The following SGCZ variants were observed in gnomAD, a reference collection of about 807,000 sequenced individuals.
The protein encoded by SGCZ is zeta-sarcoglycan.
Under a neutral mutation model 41.3 loss-of-function variants are expected in SGCZ, and 40 were observed. The ratio of observed to expected loss-of-function variants is 0.97; its 90% CI spans 0.75 to 1.26. SGCZ has a LOEUF of 1.26. SGCZ is among the 50% of genes most tolerant of loss of function. The pLI, the probability that SGCZ is intolerant of heterozygous loss-of-function variation, is 0.00. For synonymous variants in SGCZ, 206 were observed against 137.5 expected (o/e 1.50, Z -3.49); for missense variants, 552 against 369.8 (o/e 1.49, Z -4.04).
intron 5 of SGCZ, among the ~76,000 whole-genome samples, chr8:14,160,300 A>G (rs1804000737): frequency 6.6e-6 from 1 of 152,200 alleles, no homozygotes; most frequent in African/African-American, 2.4e-5. Context: ...TTCTAAAGTT[A>G]ATATACTATG....
intron 1 of SGCZ, among the ~76,000 whole-genome samples, chr8:15,018,043 G>A (rs1332595048): frequency 6.6e-6 from 1 of 152,122 alleles, no homozygotes; most frequent in Non-Finnish European, 1.5e-5. Context: ...AGTCAAAGCT[G>A]TATGCAAAAG....
intron 1 of SGCZ, among the ~76,000 whole-genome samples, chr8:14,693,164 T>A (rs1428067143): frequency 6.6e-6 from 1 of 152,242 alleles, no homozygotes; most frequent in Non-Finnish European, 1.5e-5. Flanking sequence ...TGTGCATAAA[T>A]ATTCTAATGC....
chr8:14,554,475 G>A (rs1405804240), intron 2 of SGCZ, among the ~76,000 whole-genome samples: 1 of 151,976 alleles, frequency 6.6e-6, no homozygotes, highest in Admixed American at 6.6e-5. Context: ...TTCTTGAAAT[G>A]TTCTAATGAA....
chr8:14,533,376 G>A (rs1367100370), intron 2 of SGCZ, among the ~76,000 whole-genome samples: 3 of 151,820 alleles, frequency 2.0e-5, no homozygotes, highest in African/African-American at 7.3e-5. Context: ...ATATTTAAAG[G>A]CTCAGTGGAA....
At chr8:14,641,439 A>G (rs1807022889) in intron 1 of SGCZ, among the ~76,000 whole-genome samples, 1 of 151,748 alleles carries the variant, frequency 6.6e-6, no homozygotes, top group Admixed American at 6.6e-5. Flanking sequence ...ATAGTTTGAA[A>G]TAAGTCACAA....
At chr8:15,162,761 A>C (rs1222649931) in intron 1 of SGCZ, among the ~76,000 whole-genome samples, 1 of 152,208 alleles carries the variant, frequency 6.6e-6, no homozygotes, top group Non-Finnish European at 1.5e-5. Context: ...TTAGTAATTT[A>C]TTAGATTTTT....
chr8:14,503,082 T>G (rs1353340007), intron 2 of SGCZ, among the ~76,000 whole-genome samples: 1 of 152,168 alleles, frequency 6.6e-6, no homozygotes, highest in Non-Finnish European at 1.5e-5. Flanking sequence ...AAAGAAAATG[T>G]GGCACATACA....
chr8:14,677,726 G>A (rs113902160), intron 1 of SGCZ, among the ~76,000 whole-genome samples: 1,911 of 152,130 alleles, frequency 0.013, 35 homozygotes, highest in African/African-American at 0.031. Flanking sequence ...AGCCAAGATC[G>A]CACAAGTAAA....
intron 1 of SGCZ, among the ~76,000 whole-genome samples, chr8:14,665,058 C>G (rs561651252): frequency 3.0e-4 from 46 of 152,302 alleles, no homozygotes; most frequent in Non-Finnish European, 4.6e-4. Flanking sequence ...TACATATGCA[C>G]AACGTGCAGG....
chr8:14,341,182 G>A (rs1802692156), intron 2 of SGCZ, among the ~76,000 whole-genome samples: 1 of 152,122 alleles, frequency 6.6e-6, no homozygotes, highest in African/African-American at 2.4e-5. Flanking sequence ...ATCTGTCAAT[G>A]AGCACTTGGG....
intron 1 of SGCZ, among the ~76,000 whole-genome samples, chr8:14,789,040 G>T (rs1899371): frequency 1.3e-5 from 2 of 151,866 alleles, no homozygotes; most frequent in Non-Finnish European, 2.9e-5. Context: ...TTTTGGACTC[G>T]TTAACATTGG....
intron 2 of SGCZ, among the ~76,000 whole-genome samples, chr8:14,399,110 A>G (rs747685572): frequency 3.3e-5 from 5 of 152,144 alleles, no homozygotes; most frequent in Non-Finnish European, 7.4e-5. Context: ...AGCTGAAAAG[A>G]AAGTGGCACT....
chr8:14,828,599 C>A (rs1399387103), intron 1 of SGCZ, among the ~76,000 whole-genome samples: 1 of 152,128 alleles, frequency 6.6e-6, no homozygotes, highest in Non-Finnish European at 1.5e-5. Context: ...GAAGACAAAG[C>A]ACAATCAAAC....
chr8:15,227,546 A>G (rs2117199248), intron 1 of SGCZ, among the ~76,000 whole-genome samples: 1 of 152,242 alleles, frequency 6.6e-6, no homozygotes, highest in South Asian at 2.1e-4. Flanking sequence ...GTAGAAACAT[A>G]ATGTTTATTC....
At chr8:14,939,356 A>C (rs1028335351) in intron 1 of SGCZ, among the ~76,000 whole-genome samples, 2 of 152,132 alleles carry the variant, frequency 1.3e-5, no homozygotes, top group African/African-American at 4.8e-5. Context: ...CTTGCTCTCA[A>C]CATCTTCAAA....
chr8:14,403,189 G>A (rs1799124719), intron 2 of SGCZ, among the ~76,000 whole-genome samples: 3 of 150,042 alleles, frequency 2.0e-5, no homozygotes, highest in Admixed American at 2.0e-4. Flanking sequence ...GAGATTTTGG[G>A]CTGAGACGAT....
Position 14,591,868 on chromosome 8 carries a change from C to T in SGCZ, c.40-36942G>A, listed in dbSNP as rs531055706. Among the ~76,000 whole-genome samples, 4 of 152,210 alleles carry T rather than the reference C, an allele frequency of 2.6e-5. No individual in the cohort carries two copies. The East Asian group carries it at 7.7e-4, about 29-fold the overall frequency. On this transcript the variant is annotated intron_variant, in intron 1 of 7. Transcript: ENST00000382080. The stretch of plus-strand genomic sequence containing the variant: ...TTCCTCTATATTGTCGATTATAATT[C>T]CACTTTCCTGCTAAGTCCATACAAT...
At chr8:15,188,391 A>G (rs994895062) in intron 1 of SGCZ, among the ~76,000 whole-genome samples, 2 of 152,158 alleles carry the variant, frequency 1.3e-5, no homozygotes, top group Middle Eastern at 3.2e-3. Flanking sequence ...CTGTTAATCT[A>G]TAGATCTACA....
At position 15,001,025 on chromosome 8, in the gene SGCZ, C is replaced by T. The variant is rs77274413; in HGVS notation, c.39+236560G>A. Among the ~76,000 whole-genome samples the T allele has an allele frequency of 1.6e-4, 25 of 152,316 alleles. 1 individual carries two copies. In the East Asian group the frequency reaches 4.8e-3, roughly 29 times the overall value. ...GGTGAGAGGAAAATGGAAACCAAAACTGAAGCTCTGGCAAAAGGGACAACA... is the reference window on the plus strand; with the variant it reads ...GGTGAGAGGAAAATGGAAACCAAAATTGAAGCTCTGGCAAAAGGGACAACA... On this transcript the variant is annotated intron_variant, in intron 1 of 7. Transcript: ENST00000382080.
Sources: gnomAD v4.1 joint callset for allele counts (sites outside exome capture counted in the v4.1 genomes callset) on GRCh38, gnomAD v4.1.1 for gene constraint, MANE v1.5 for transcripts, NCBI Gene and HGNC (gene_info 2026-07-23, HGNC 2026-07-21) for gene names.